GSG1L: variants seen among roughly 807,000 people sequenced by gnomAD.
GSG1L encodes germ cell-specific gene 1-like protein.
Under a neutral mutation model 42.1 loss-of-function variants are expected in GSG1L, and 24 were observed. The observed-to-expected ratio is 0.57, with a 90% CI of 0.41 to 0.80. The LOEUF is 0.80. GSG1L is among the 30% of genes least tolerant of loss of function. GSG1L has a pLI of 0.00. For synonymous variants in GSG1L, 215 were observed against 203.5 expected (o/e 1.06, Z -0.48); for missense variants, 445 against 472.2 (o/e 0.94, Z 0.53).
At chr16:27,973,946 C>CA (rs2085224108) in intron 1 of GSG1L, among the ~76,000 whole-genome samples, 2 of 152,178 alleles carry the variant, frequency 1.3e-5, no homozygotes, top group Non-Finnish European at 2.9e-5. Context: ...TTGTCTCCTC[C>CA]ATGCCCATCA....
At chr16:27,859,516 C>T (rs752555216) in intron 3 of GSG1L, among the ~76,000 whole-genome samples, 103 of 152,204 alleles carry the variant, frequency 6.8e-4, no homozygotes, top group Non-Finnish European at 1.3e-3. Context: ...GGGCAGGGCC[C>T]TGGCAGCCCA....
At chr16:27,997,716 T>C (rs1355419881) in intron 1 of GSG1L, among the ~76,000 whole-genome samples, 1 of 152,088 alleles carries the variant, frequency 6.6e-6, no homozygotes, top group East Asian at 1.9e-4. Flanking sequence ...TTCAGTGCTT[T>C]AGGGGTACAA....
rs568864667 is a variant in GSG1L at position 27,911,266 on chromosome 16, G to GCTCGCTCTCTCTCTCTCTCTCTCGCT, written c.398-26629_398-26628insAGCGAGAGAGAGAGAGAGAGAGCGAG. 2.4e-3 allele frequency among the ~76,000 whole-genome samples: 299 copies of GCTCGCTCTCTCTCTCTCTCTCTCGCT among 122,098 alleles called. 2 individuals are homozygous for GCTCGCTCTCTCTCTCTCTCTCTCGCT. The highest frequency in any genetic ancestry group is 9.6e-3 in the African/African-American group (274 of 28,584). 80.1% of individuals were successfully genotyped at this position (122,098 alleles called of 152,430 possible). On this transcript the variant is annotated intron_variant, in intron 2 of 6. Transcript: ENST00000447459. ...TCTCTAGCCTCATCACCTCTCTCTC[G>GCTCGCTCTCTCTCTCTCTCTCTCGCT]CTCTCTCTCTCTCTCTCTCTCTCTC...
chr16:27,883,355 G>A (rs901666114), intron 3 of GSG1L, among the ~76,000 whole-genome samples: 2 of 152,038 alleles, frequency 1.3e-5, no homozygotes, highest in Non-Finnish European at 2.9e-5. Context: ...GGGGTGCATG[G>A]AGGCCAAATC....
At chr16:28,060,223 G>A (rs78588443) in intron 1 of GSG1L, among the ~76,000 whole-genome samples, 2 of 151,936 alleles carry the variant, frequency 1.3e-5, no homozygotes, top group Non-Finnish European at 2.9e-5. Context: ...TTTCCTCTTC[G>A]AGTAAAAAAA....
intron 2 of GSG1L, among the ~76,000 whole-genome samples, chr16:27,956,486 A>G (rs1596645003): frequency 6.6e-6 from 1 of 152,164 alleles, no homozygotes; most frequent in East Asian, 1.9e-4. Context: ...ATCAGCAAAC[A>G]TTCACTCCAA....
chr16:27,847,568 A>G (rs1397691115), intron 3 of GSG1L, among the ~76,000 whole-genome samples: 1 of 152,238 alleles, frequency 6.6e-6, no homozygotes, highest in African/African-American at 2.4e-5. Flanking sequence ...AGTGAAAGAG[A>G]GAGCCGAGCT....
chr16:28,021,674 T>C (rs1009102803), intron 1 of GSG1L, among the ~76,000 whole-genome samples: 4 of 152,230 alleles, frequency 2.6e-5, no homozygotes, highest in African/African-American at 9.6e-5. Flanking sequence ...TTTAGAACTC[T>C]TCTGTCCCTA....
chr16:27,863,798 C>A (rs2083683226), intron 3 of GSG1L, among the ~76,000 whole-genome samples: 1 of 152,212 alleles, frequency 6.6e-6, no homozygotes, highest in African/African-American at 2.4e-5. Context: ...TGGCTGAGCT[C>A]CTCCTACCTA....
chr16:27,950,571 T>C (rs980006442), intron 2 of GSG1L, among the ~76,000 whole-genome samples: 1 of 151,862 alleles, frequency 6.6e-6, no homozygotes, highest in Non-Finnish European at 1.5e-5. Flanking sequence ...CTCAAGCAAA[T>C]GCGTCTCGAG....
At chr16:27,996,309 G>T (rs2085513627) in intron 1 of GSG1L, among the ~76,000 whole-genome samples, 1 of 152,112 alleles carries the variant, frequency 6.6e-6, no homozygotes, top group Admixed American at 6.6e-5. Context: ...GACTCCTAAA[G>T]ATGCATATTC....
chr16:28,052,235 C>T (rs111711948), intron 1 of GSG1L, among the ~76,000 whole-genome samples: 2,156 of 152,076 alleles, frequency 0.014, 60 homozygotes, highest in African/African-American at 0.049. Flanking sequence ...TCATCTGTGC[C>T]ACCAATGTTC....
At chr16:27,990,110 A>G (rs758163562) in intron 1 of GSG1L, among the ~76,000 whole-genome samples, 3 of 152,220 alleles carry the variant, frequency 2.0e-5, no homozygotes, top group Non-Finnish European at 4.4e-5. Flanking sequence ...ATCAAGCAGA[A>G]CAAGAATTAC....
At chr16:27,969,291 A>G (rs1017886710) in intron 1 of GSG1L, among the ~76,000 whole-genome samples, 2 of 152,192 alleles carry the variant, frequency 1.3e-5, no homozygotes, top group African/African-American at 4.8e-5. Context: ...CAACCCTTCC[A>G]GCCCTAGGAA....
rs554520813 is a variant in GSG1L, at chr16:27,858,120, C to G, written c.551-13059G>C. Reference sequence around the variant, plus strand: ...GTTAAGTTTTAAGTGCTCTGAGCTTCCACACTTCCCTGCGGCAACGCTGGG... The same window carrying G: ...GTTAAGTTTTAAGTGCTCTGAGCTTGCACACTTCCCTGCGGCAACGCTGGG... On this transcript the variant is annotated intron_variant, in intron 3 of 6. Transcript: ENST00000447459. Among the ~76,000 whole-genome samples the G allele has an allele frequency of 8.4e-4, 128 of 152,350 alleles. 1 individual carries two copies. Among genetic ancestry groups the G allele is most frequent in the African/African-American group, 3.0e-3 (125 of 41,592 alleles).
intron 1 of GSG1L, among the ~76,000 whole-genome samples, chr16:28,026,988 A>G (rs1161510390): frequency 6.6e-6 from 1 of 152,228 alleles, no homozygotes. Flanking sequence ...AGGCTGAGGC[A>G]GAAGAATTGC....
At chr16:27,987,472 C>A (rs1446269075) in intron 1 of GSG1L, among the ~76,000 whole-genome samples, 1 of 152,094 alleles carries the variant, frequency 6.6e-6, no homozygotes, top group Non-Finnish European at 1.5e-5. Context: ...GGTCTCCCTG[C>A]CCCTGCTGTG....
chr16:27,809,300 G>A (rs1014208613), intron 5 of GSG1L, among the ~76,000 whole-genome samples: 7 of 152,184 alleles, frequency 4.6e-5, no homozygotes, highest in African/African-American at 1.4e-4. Context: ...CCACTCAGGA[G>A]GCTGAGGCAG....
At chr16:27,938,829 G>A (rs1258278026) in intron 2 of GSG1L, among the ~76,000 whole-genome samples, 1 of 152,180 alleles carries the variant, frequency 6.6e-6, no homozygotes, top group Non-Finnish European at 1.5e-5. Context: ...GCAAGAAAGA[G>A]GATCACTTAA....
Sources: allele counts gnomAD v4.1 joint callset (sites outside exome capture counted in the v4.1 genomes callset), GRCh38; gene constraint gnomAD v4.1.1; transcripts MANE v1.5; gene names NCBI Gene and HGNC (gene_info 2026-07-23, HGNC 2026-07-21).